SAMD3: variants seen among roughly 807,000 people sequenced by gnomAD.
SAMD3 encodes the protein sterile alpha motif domain-containing protein 3.
In SAMD3, 63 loss-of-function variants were observed where a neutral mutation model predicts 58.5. That is an observed-to-expected ratio of 1.08 (90% confidence interval 0.88 to 1.33). The LOEUF is 1.33. SAMD3 is among the 40% of genes most tolerant of loss of function. The pLI is 0.00. For missense variants in SAMD3, 604 were observed against 608.4 expected (o/e 0.99, Z 0.08); for synonymous variants, 220 against 210.3 (o/e 1.05, Z -0.40).
chr6:130,350,877 G>A (rs1193069193), intron 1 of SAMD3, among the ~76,000 whole-genome samples: 2 of 152,082 alleles, frequency 1.3e-5, no homozygotes, highest in Non-Finnish European at 2.9e-5. Context: ...CCAAAACAGA[G>A]ATATAGACCA....
intron 2 of SAMD3, among the ~76,000 whole-genome samples, chr6:130,265,379 C>T (rs1774303359): frequency 6.6e-6 from 1 of 152,160 alleles, no homozygotes; most frequent in South Asian, 2.1e-4. Flanking sequence ...TTCAGTCACA[C>T]CTGGAAGCTG....
At chr6:130,198,144 G>A (rs1054157704) in intron 5 of SAMD3, among the ~76,000 whole-genome samples, 12 of 152,056 alleles carry the variant, frequency 7.9e-5, no homozygotes, top group Admixed American at 2.0e-4. Context: ...GACTCAGCCC[G>A]CCTGCACCCA....
rs148872218 is a variant in SAMD3, at chr6:130,251,898, G to T, written c.-187-29085C>A. Among the ~76,000 whole-genome samples, 83 of 151,998 alleles carry T rather than the reference G, an allele frequency of 5.5e-4. 1 individual carries two copies. The East Asian group carries it at 0.013, about 24-fold the overall frequency. On this transcript the variant is annotated intron_variant, in intron 2 of 13. Transcript: ENST00000368134. ...AATACAGAATAATCTGATCCTGAGG[G>T]TTCTACAGATGTGTTAGGTCTAGTG...
chr6:130,254,832 T>C (rs1055106241), intron 2 of SAMD3, among the ~76,000 whole-genome samples: 2 of 151,918 alleles, frequency 1.3e-5, no homozygotes, highest in Non-Finnish European at 2.9e-5. Flanking sequence ...GAAGAATTGG[T>C]ATTAGTTCTT....
At chr6:130,155,459 A>T (rs1416973746) in intron 8 of SAMD3, among the ~76,000 whole-genome samples, 2 of 152,228 alleles carry the variant, frequency 1.3e-5, no homozygotes, top group Admixed American at 6.5e-5. Context: ...ATGCCATATA[A>T]TCCAAATTCA....
At position 130,144,502 on chromosome 6, in the gene SAMD3, A is replaced by G; in HGVS notation, c.*18T>C. On this transcript the variant is annotated 3_prime_UTR_variant, in exon 12 of 12. Coordinates refer to ENST00000439090, the MANE Select transcript of SAMD3 (RefSeq NM_001017373.4). Reference sequence around the variant, plus strand: ...AGTTTTCCCAGAGGTAAATTCCAGTACAATATTTGGCATGCTATTAAGTGA... The same window carrying G: ...AGTTTTCCCAGAGGTAAATTCCAGTGCAATATTTGGCATGCTATTAAGTGA... 2 of 1,607,560 alleles carry G rather than the reference A, an allele frequency of 1.2e-6. No homozygotes were observed. The highest frequency in any genetic ancestry group is 1.7e-6 in the Non-Finnish European group (2 of 1,176,776).
upstream of SAMD3, among the ~76,000 whole-genome samples, chr6:130,223,127 AC>A (rs1300480586): frequency 7.9e-5 from 12 of 152,202 alleles, no homozygotes; most frequent in Non-Finnish European, 1.3e-4. Flanking sequence ...TTCCTTAGTT[AC>A]CTTTTTTAAG....
chr6:130,260,941 G>A (rs527924560), intron 2 of SAMD3, among the ~76,000 whole-genome samples: 1 of 152,224 alleles, frequency 6.6e-6, no homozygotes, highest in Non-Finnish European at 1.5e-5. Context: ...GACCCACGGT[G>A]TACCTTTATC....
At chr6:130,202,639 A>AC (rs1235766591) in intron 5 of SAMD3, among the ~76,000 whole-genome samples, 1 of 152,226 alleles carries the variant, frequency 6.6e-6, no homozygotes, top group East Asian at 1.9e-4. Context: ...TCCTGGGTTA[A>AC]ACAAAGTTAA....
At chr6:130,169,920 C>A (rs1791086134) in intron 8 of SAMD3, among the ~76,000 whole-genome samples, 1 of 152,140 alleles carries the variant, frequency 6.6e-6, no homozygotes, top group Non-Finnish European at 1.5e-5. Flanking sequence ...GGAAATACCT[C>A]ATAGAAAAAG....
intron 1 of SAMD3, among the ~76,000 whole-genome samples, chr6:130,314,823 G>C (rs1219356528): frequency 2.0e-5 from 3 of 152,094 alleles, no homozygotes; most frequent in African/African-American, 7.2e-5. Flanking sequence ...ACTTTGACCT[G>C]GCATTGGACT....
chr6:130,292,846 C>T (rs1229459332), intron 2 of SAMD3, among the ~76,000 whole-genome samples: 2 of 149,500 alleles, frequency 1.3e-5, no homozygotes, highest in East Asian at 4.1e-4. Flanking sequence ...TCTCGATCTC[C>T]TGACCTCGTG....
intron 8 of SAMD3, among the ~76,000 whole-genome samples, chr6:130,165,246 A>C (rs1324609237): frequency 1.3e-5 from 2 of 152,198 alleles, no homozygotes; most frequent in East Asian, 1.9e-4. Flanking sequence ...TAGGACTGTT[A>C]CTTATTTAAA....
intron 2 of SAMD3, among the ~76,000 whole-genome samples, chr6:130,308,349 AATTCTATTCTATTCTATTCT>A (rs68138988): frequency 0.12 from 8,457 of 69,442 alleles, 483 homozygotes; most frequent in Non-Finnish European, 0.14. Flanking sequence ...AAGTTCATAG[AATTCTATTCTATTCTATTCT>A]ATTCTATTCT....
At chr6:130,351,957 A>G (rs987930888) in intron 1 of SAMD3, among the ~76,000 whole-genome samples, 7 of 151,826 alleles carry the variant, frequency 4.6e-5, no homozygotes, top group African/African-American at 1.5e-4. Flanking sequence ...GCAAACTATC[A>G]CAAGGACAAA....
chr6:130,247,038 A>G (rs1400929754), intron 2 of SAMD3, among the ~76,000 whole-genome samples: 1 of 152,156 alleles, frequency 6.6e-6, no homozygotes, highest in East Asian at 1.9e-4. Context: ...AAAGGAACCA[A>G]CTCTCCTTGG....
At chr6:130,236,981 T>C (rs1471104435) in intron 2 of SAMD3, among the ~76,000 whole-genome samples, 1 of 152,198 alleles carries the variant, frequency 6.6e-6, no homozygotes, top group African/African-American at 2.4e-5. Context: ...CCCAATTTTA[T>C]CCAACCCTGC....
At chr6:130,333,094 G>A (rs1379799650) in intron 1 of SAMD3, among the ~76,000 whole-genome samples, 1 of 148,116 alleles carries the variant, frequency 6.8e-6, no homozygotes, top group African/African-American at 2.5e-5. Context: ...TGTTAAGGGG[G>A]TGACAAGTTT....
At chr6:130,169,678 G>A (rs1791062007) in intron 8 of SAMD3, among the ~76,000 whole-genome samples, 1 of 152,172 alleles carries the variant, frequency 6.6e-6, no homozygotes, top group African/African-American at 2.4e-5. Context: ...ATGTCTTGGG[G>A]GCTAGAAAGG....
Sources: allele counts gnomAD v4.1 joint callset (sites outside exome capture counted in the v4.1 genomes callset), GRCh38; gene constraint gnomAD v4.1.1; transcripts MANE v1.5; gene names NCBI Gene and HGNC (gene_info 2026-07-23, HGNC 2026-07-21).